The following CCDC18 variants were observed in gnomAD, a reference collection of about 807,000 sequenced individuals.
CCDC18 encodes the protein coiled-coil domain-containing protein 18.
In CCDC18, 157 loss-of-function variants were observed where a neutral mutation model predicts 196.0. The ratio of observed to expected loss-of-function variants is 0.80; its 90% CI spans 0.70 to 0.91. CCDC18 has a LOEUF of 0.91. Among genes scored for constraint, CCDC18 ranks in the 40% least tolerant of loss-of-function variants. The pLI, the probability that CCDC18 is intolerant of heterozygous loss-of-function variation, is 0.00. For synonymous variants in CCDC18, 482 were observed against 529.2 expected, an observed-to-expected ratio of 0.91 and a Z score of 1.22; for missense variants, 1,465 against 1,611.6, an observed-to-expected ratio of 0.91 and a Z score of 1.56.
chr1:93,197,021 T>G (rs1334199212), intron 6 of CCDC18, among the ~76,000 whole-genome samples: 3 of 152,180 alleles, frequency 2.0e-5, no homozygotes, highest in Non-Finnish European at 2.9e-5. Context: ...AGGCTGTACC[T>G]AAAGACACTC....
intron 23 of CCDC18, among the ~76,000 whole-genome samples, chr1:93,253,866 A>G (rs1662585916): frequency 6.6e-6 from 1 of 152,170 alleles, no homozygotes; most frequent in Non-Finnish European, 1.5e-5. Flanking sequence ...TGTGCTCTCA[A>G]AATAACACTC....
chr1:93,259,006 C>T (rs1309907597), intron 26 of CCDC18, 121 bp downstream of exon 26: 1 of 778,894 alleles, frequency 1.3e-6, no homozygotes, highest in East Asian at 3.3e-5. Context: ...GTCTTCATTT[C>T]TGGTAGCCTA....
chr1:93,213,589 A>G (rs1312538139), intron 11 of CCDC18, among the ~76,000 whole-genome samples: 2 of 151,992 alleles, frequency 1.3e-5, no homozygotes, highest in African/African-American at 4.8e-5. Flanking sequence ...TCAGTTCAAA[A>G]TAGTTATCTC....
intron 27 of CCDC18, among the ~76,000 whole-genome samples, chr1:93,268,871 T>A (rs1664898708): frequency 1.3e-5 from 2 of 152,062 alleles, no homozygotes; most frequent in South Asian, 4.1e-4. Context: ...AGTGTGGCGA[T>A]TCCTCAAGGA....
At chr1:93,258,155 A>AT (rs1321275225) in intron 25 of CCDC18, among the ~76,000 whole-genome samples, 2 of 151,678 alleles carry the variant, frequency 1.3e-5, no homozygotes, top group Non-Finnish European at 2.9e-5. Flanking sequence ...ACCATGTTAT[A>AT]TTTTTATGGG....
chr1:93,224,297 C>T (rs900795177), intron 16 of CCDC18, among the ~76,000 whole-genome samples: 1 of 152,138 alleles, frequency 6.6e-6, no homozygotes, highest in African/African-American at 2.4e-5. Context: ...TGTCATAATA[C>T]TTTACCCCTT....
intron 6 of CCDC18, among the ~76,000 whole-genome samples, chr1:93,200,301 T>A (rs1653606039): frequency 6.8e-6 from 1 of 146,678 alleles, no homozygotes. Flanking sequence ...ATGTTAAAAA[T>A]GTGAAAACAT....
Position 93,181,111 on chromosome 1 carries a change from G to A in CCDC18, c.-3+259G>A, listed in dbSNP as rs571379032. ...GCGGAAGGATTGCTTGAGCCCAGGA[G>A]TTCGAGGCCAGCCTTGGCAATATGG... On this transcript the variant is annotated intron_variant, in intron 1 of 28. Coordinates refer to ENST00000690025, the MANE Select transcript of CCDC18 (RefSeq NM_001378204.1). Among the ~76,000 whole-genome samples, 6 of 148,798 alleles carry A rather than the reference G, an allele frequency of 4.0e-5. No individual in the cohort carries two copies. The South Asian group carries it at 1.3e-3, about 32-fold the overall frequency.
At chr1:93,240,031 C>A in intron 21 of CCDC18, 135 bp downstream of exon 21, 2 of 643,668 alleles carry the variant, frequency 3.1e-6, no homozygotes, top group Non-Finnish European at 5.3e-6. Flanking sequence ...CCAGCCTATC[C>A]CATGCCTTAT....
Position 93,232,454 on chromosome 1 carries a change from T to G in CCDC18, c.2321T>G (p.Ile774Arg). 6.2e-7 allele frequency: 1 copy of G among 1,605,598 alleles called. No individual in the cohort carries two copies. Among genetic ancestry groups the G allele is most frequent in the South Asian group, 1.1e-5 (1 of 89,690 alleles). Residue 774 changes from isoleucine (I) to arginine (R), a missense_variant, in exon 18 of 29, where the codon ATA (isoleucine) becomes AGA (arginine). Transcript: ENST00000690025. ...EVYCLQKELK[I>R]KNHSLQETSE... Reference sequence around the variant, plus strand: ...TATTGTTTACAGAAAGAGCTAAAGATAAAAAATCACAGTCTTCAAGAGACT... The same window carrying G: ...TATTGTTTACAGAAAGAGCTAAAGAGAAAAAATCACAGTCTTCAAGAGACT...
chr1:93,246,885 A>G lies in CCDC18; in HGVS notation c.3129A>G (p.Glu1043=). 1 of 1,551,140 alleles carries G rather than the reference A, an allele frequency of 6.4e-7. No individual in the cohort carries two copies. Residue 1043 remains glutamate, a synonymous_variant, in exon 23 of 29, where the codon GAA becomes GAG. Transcript: ENST00000690025. ...MTIREHRGEM[E]QKIIKLEGTL... Reference sequence around the variant, plus strand: ...TTCGTGAGCACAGAGGAGAAATGGAACAAAAAATAATTAAATTAGAAGGTA... The same window carrying G: ...TTCGTGAGCACAGAGGAGAAATGGAGCAAAAAATAATTAAATTAGAAGGTA...
At chr1:93,234,297 G>A (rs927670215) in intron 18 of CCDC18, among the ~76,000 whole-genome samples, 3 of 152,048 alleles carry the variant, frequency 2.0e-5, no homozygotes, top group African/African-American at 7.2e-5. Context: ...GAGTAGCTGG[G>A]ACTACAGGTG....
At chr1:93,190,466 A>G (rs995104061) in intron 4 of CCDC18, among the ~76,000 whole-genome samples, 1 of 152,208 alleles carries the variant, frequency 6.6e-6, no homozygotes, top group African/African-American at 2.4e-5. Context: ...CAGCCTGGTG[A>G]CAGAGTGAGA....
In CCDC18 at chr1:93,226,348, T is replaced by C; in HGVS notation, c.2191T>C (p.Ser731Pro). Residue 731 changes from serine (S) to proline (P), a missense_variant, in exon 17 of 29, where the codon TCA becomes CCA. By Grantham distance (74) the Ser-to-Pro change is moderately conservative (BLOSUM62 -1). Coordinates refer to ENST00000690025, the MANE Select transcript of CCDC18 (RefSeq NM_001378204.1). Reference protein sequence around the residue: ...EETIKVRQLDSALEICKEELV... With the variant: ...EETIKVRQLDPALEICKEELV... Reference sequence around the variant, plus strand: ...TCCTGCTTAGGTTAGGCAACTAGATTCAGCATTGGAAATTTGTAAGGAAGA... The same window carrying C: ...TCCTGCTTAGGTTAGGCAACTAGATCCAGCATTGGAAATTTGTAAGGAAGA... The C allele has an allele frequency of 6.4e-7, 1 of 1,553,124 alleles. No homozygotes were observed. The highest frequency in any genetic ancestry group is 8.8e-7 in the Non-Finnish European group (1 of 1,136,538).
chr1:93,228,521 A>T (rs114476081), intron 17 of CCDC18, among the ~76,000 whole-genome samples: 1 of 151,878 alleles, frequency 6.6e-6, no homozygotes, highest in African/African-American at 2.4e-5. Context: ...AAAAAAAAAA[A>T]AAACTTCAGA....
chr1:93,236,042 T>G (rs2100780443), intron 18 of CCDC18, among the ~76,000 whole-genome samples: 1 of 152,362 alleles, frequency 6.6e-6, no homozygotes, highest in South Asian at 2.1e-4. Flanking sequence ...AGTGTTATGA[T>G]GTGGCCACTT....
At chr1:93,255,900 T>C (rs1033573878) in intron 24 of CCDC18, among the ~76,000 whole-genome samples, 2 of 152,208 alleles carry the variant, frequency 1.3e-5, no homozygotes, top group Admixed American at 6.5e-5. Context: ...GTGACAAGTT[T>C]TACTTTCACA....
At chr1:93,219,645 A>G (rs980049866) in intron 14 of CCDC18, among the ~76,000 whole-genome samples, 1 of 152,226 alleles carries the variant, frequency 6.6e-6, no homozygotes. Flanking sequence ...CAGAACTGCA[A>G]TTCAAAACGT....
intron 3 of CCDC18, 86 bp from the exon 4 acceptor site, chr1:93,186,258 TA>T: frequency 8.0e-7 from 1 of 1,247,776 alleles, no homozygotes; most frequent in Non-Finnish European, 1.1e-6. Flanking sequence ...GTCATTTTGT[TA>T]ATAATTGCTC....
Sources: allele counts gnomAD v4.1 joint callset (sites outside exome capture counted in the v4.1 genomes callset), GRCh38; gene constraint gnomAD v4.1.1; transcripts MANE v1.5; gene names NCBI Gene and HGNC (gene_info 2026-07-23, HGNC 2026-07-21).